The following GRIN2A variants were observed in gnomAD, a reference collection of about 807,000 sequenced individuals.
GRIN2A encodes glutamate ionotropic receptor NMDA type subunit 2A.
GRIN2A carries 22 observed loss-of-function variants against 113.4 expected under a neutral mutation model. That is an observed-to-expected ratio of 0.19 (90% CI 0.14 to 0.28). The LOEUF is 0.28. Among genes scored for constraint, GRIN2A ranks in the 10% least tolerant of loss-of-function variants. The probability of loss-of-function intolerance (pLI) is 1.00; values close to 1 mark genes in which losing one functional copy is unlikely to be tolerated. For synonymous variants in GRIN2A, 827 were observed against 738.4 expected (o/e 1.12, Z -1.94); for missense variants, 1,502 against 1,887.0 (o/e 0.80, Z 3.78).
In GRIN2A at chr16:9,891,078, C is replaced by G. The variant is rs777505684; in HGVS notation, c.1030G>C (p.Asp344His). ...LHPFMVNVTW[D>H]GKDLSFTEEG... ...TCAGTGAAGGATAAGTCTTTGCCAT[C>G]CCATGTAACATTGACCATAAATCTA... is the stretch of plus-strand genomic sequence containing the variant. Residue 344 changes from aspartate to histidine, a missense_variant, in exon 4 of 13, where the codon GAT (aspartate) becomes CAT (histidine). This residue lies in a region of GRIN2A where 334 missense variants were observed against 403.0 expected (regional missense o/e 0.83). Coordinates refer to ENST00000330684, the MANE Select transcript of GRIN2A (RefSeq NM_001134407.3). 2.5e-6 allele frequency: 4 copies of G among 1,610,286 alleles called. No homozygotes were observed. Among genetic ancestry groups the G allele is most frequent in the Admixed American group, 3.3e-5 (2 of 60,004 alleles).
intron 12 of GRIN2A, among the ~76,000 whole-genome samples, chr16:9,768,620 A>G (rs186768783): frequency 6.6e-6 from 1 of 152,028 alleles, no homozygotes; most frequent in Admixed American, 6.5e-5. Context: ...CATCTGTGCT[A>G]TTTTTCTCAT....
chr16:9,965,701 A>G (rs930903285), intron 2 of GRIN2A, among the ~76,000 whole-genome samples: 8 of 152,194 alleles, frequency 5.3e-5, no homozygotes, highest in Admixed American at 5.2e-4. Context: ...GAATAAATGA[A>G]TGGAGAGGAA....
At position 9,753,664 on chromosome 16, in the gene GRIN2A, TTG is replaced by T. The variant is rs1596365445; in HGVS notation, c.*9483_*9484del. On this transcript the variant is annotated 3_prime_UTR_variant, in exon 13 of 13. Coordinates refer to ENST00000330684, the MANE Select transcript of GRIN2A (RefSeq NM_001134407.3). ...AAAGGTGTTAAGCAAACATATAATT[TTG>T]TAGCTATGCTTGGAAATATTTAATA... 1.5e-5 allele frequency: 3 copies of T among 195,618 alleles called. No homozygotes were observed. The East Asian group carries it at 2.4e-4, about 16-fold the overall frequency. The allele number at this position is 195,618 out of a possible 1,614,324, so 12.1% of individuals were successfully genotyped here. A position where few individuals can be genotyped will look rare whatever the true frequency, so the allele number is the denominator to read the frequency against.
At chr16:9,985,188 T>C (rs2045958013) in intron 2 of GRIN2A, among the ~76,000 whole-genome samples, 1 of 152,230 alleles carries the variant, frequency 6.6e-6, no homozygotes, top group Non-Finnish European at 1.5e-5. Context: ...AACTTCCTTG[T>C]CATCAGTAAG....
chr16:10,179,616 T>G, intron 2 of GRIN2A: 1 of 251,222 alleles, frequency 4.0e-6, no homozygotes, highest in Non-Finnish European at 7.8e-6. Flanking sequence ...AAACTGGCAT[T>G]GTGAAAATAG....
intron 2 of GRIN2A, among the ~76,000 whole-genome samples, chr16:9,978,167 G>A (rs970198704): frequency 6.6e-6 from 1 of 152,184 alleles, no homozygotes; most frequent in Non-Finnish European, 1.5e-5. Context: ...TAAAGAAAAA[G>A]CAATGGGTTG....
At chr16:10,126,457 GC>G (rs989281904) in intron 2 of GRIN2A, among the ~76,000 whole-genome samples, 15 of 152,278 alleles carry the variant, frequency 9.9e-5, no homozygotes, top group African/African-American at 3.4e-4. Context: ...AAGAGCCAGT[GC>G]CCAGCCAGTT....
At chr16:9,978,516 C>G (rs139238033) in intron 2 of GRIN2A, among the ~76,000 whole-genome samples, 3 of 152,246 alleles carry the variant, frequency 2.0e-5, no homozygotes, top group African/African-American at 7.2e-5. Flanking sequence ...TCCCCTTCCT[C>G]CTCTACTTCC....
intron 2 of GRIN2A, among the ~76,000 whole-genome samples, chr16:10,079,646 T>C (rs1452088288): frequency 1.3e-5 from 2 of 152,174 alleles, no homozygotes; most frequent in Admixed American, 6.5e-5. Context: ...CAGCCATCTA[T>C]GAAAAAGGAA....
intron 2 of GRIN2A, among the ~76,000 whole-genome samples, chr16:9,995,785 G>A (rs1443049638): frequency 6.6e-6 from 1 of 151,944 alleles, no homozygotes; most frequent in African/African-American, 2.4e-5. Context: ...TCAATGCAAG[G>A]GATAAATGAC....
intron 2 of GRIN2A, among the ~76,000 whole-genome samples, chr16:10,137,282 G>T (rs1489946961): frequency 6.6e-6 from 1 of 152,168 alleles, no homozygotes; most frequent in African/African-American, 2.4e-5. Context: ...TTTAAAAGGA[G>T]AACAAAAATG....
intron 3 of GRIN2A, among the ~76,000 whole-genome samples, chr16:9,893,736 G>A (rs2043748421): frequency 1.3e-5 from 2 of 152,138 alleles, no homozygotes; most frequent in African/African-American, 2.4e-5. Context: ...CAAAGTGCTG[G>A]GATTACAGGC....
At chr16:9,911,312 T>C (rs1219073522) in intron 3 of GRIN2A, among the ~76,000 whole-genome samples, 1 of 152,116 alleles carries the variant, frequency 6.6e-6, no homozygotes, top group East Asian at 1.9e-4. Flanking sequence ...CATAGAGAGA[T>C]GCTCGTCTCT....
At chr16:10,034,285 G>T (rs980793590) in intron 2 of GRIN2A, among the ~76,000 whole-genome samples, 3 of 152,076 alleles carry the variant, frequency 2.0e-5, no homozygotes, top group African/African-American at 7.2e-5. Context: ...AGCACTTCGG[G>T]AGGCTGAGGA....
chr16:9,908,181 C>G (rs896810626), intron 3 of GRIN2A, among the ~76,000 whole-genome samples: 1 of 152,096 alleles, frequency 6.6e-6, no homozygotes, highest in African/African-American at 2.4e-5. Flanking sequence ...GTTTCACACC[C>G]GGACATGGAT....
At chr16:10,136,396 G>T (rs11074605) in intron 2 of GRIN2A, among the ~76,000 whole-genome samples, 24,085 of 152,116 alleles carry the variant, frequency 0.16, 2,496 homozygotes, top group African/African-American at 0.3. Context: ...GCAACTAGGT[G>T]CTAATGAAAC....
Position 9,811,278 on chromosome 16 carries a change from G to A in GRIN2A, c.2168+10986C>T, listed in dbSNP as rs186317938. On this transcript the variant is annotated intron_variant, in intron 10 of 12. Transcript: ENST00000330684. ...TAGCACAACATCATGGGTCAGAAAAGATGTTGGGTCTTCAACTGAATGCTG... is the reference window on the plus strand; with the variant it reads ...TAGCACAACATCATGGGTCAGAAAAAATGTTGGGTCTTCAACTGAATGCTG... Among the ~76,000 whole-genome samples, 8 of 152,320 alleles carry A rather than the reference G, an allele frequency of 5.3e-5. No individual in the cohort carries two copies. In the East Asian group the frequency reaches 1.5e-3, roughly 29 times the overall value.
At chr16:10,120,609 T>C (rs543673710) in intron 2 of GRIN2A, among the ~76,000 whole-genome samples, 51 of 151,896 alleles carry the variant, frequency 3.4e-4, no homozygotes, top group African/African-American at 1.1e-3. Flanking sequence ...GGGGGGTGGA[T>C]GCAGGGGGCA....
At chr16:9,814,593 C>T (rs1423814980) in intron 10 of GRIN2A, among the ~76,000 whole-genome samples, 1 of 152,142 alleles carries the variant, frequency 6.6e-6, no homozygotes, top group Non-Finnish European at 1.5e-5. Flanking sequence ...CATCCTGCAC[C>T]CTCCTTCTGA....
Sources: gnomAD v4.1 joint callset for allele counts (sites outside exome capture counted in the v4.1 genomes callset) on GRCh38, gnomAD v4.1.1 for gene constraint, gnomAD v4.1.1 regional missense constraint, MANE v1.5 for transcripts, NCBI Gene and HGNC (gene_info 2026-07-23, HGNC 2026-07-21) for gene names.